TMEM178B: variants seen among roughly 807,000 people sequenced by gnomAD.
TMEM178B encodes the protein transmembrane protein 178B.
A neutral mutation model predicts 31.0 loss-of-function variants in TMEM178B; 5 were observed. The observed-to-expected ratio is 0.16, with a 90% CI of 0.08 to 0.34. The LOEUF is 0.34. Ranked by LOEUF, TMEM178B falls within the 10% of genes least tolerant of loss-of-function variation. TMEM178B has a pLI of 1.00. For synonymous variants in TMEM178B, 164 were observed against 164.0 expected, an observed-to-expected ratio of 1.00 and a Z score of 0.00; for missense variants, 275 against 400.3, an observed-to-expected ratio of 0.69 and a Z score of 2.67.
intron 2 of TMEM178B, among the ~76,000 whole-genome samples, chr7:141,267,891 C>A (rs894502532): frequency 6.6e-6 from 1 of 152,186 alleles, no homozygotes; most frequent in African/African-American, 2.4e-5. Context: ...ATAGCAGGTG[C>A]CTGCACTTAG....
downstream of TMEM178B, among the ~76,000 whole-genome samples, chr7:141,483,956 G>C (rs555739662): frequency 6.6e-6 from 1 of 151,768 alleles, no homozygotes. Context: ...GGCTGGTCTC[G>C]AACTCCCGAT....
chr7:141,251,085 T>C (rs967995722), intron 2 of TMEM178B, among the ~76,000 whole-genome samples: 1 of 152,034 alleles, frequency 6.6e-6, no homozygotes. Flanking sequence ...TTTAAGCATC[T>C]TCTGTGGGCC....
chr7:141,174,193 A>C (rs564232829), intron 1 of TMEM178B, among the ~76,000 whole-genome samples: 2 of 151,986 alleles, frequency 1.3e-5, no homozygotes, highest in South Asian at 4.2e-4. Context: ...ACTCCCACTT[A>C]CGAGTGAGAA....
chr7:141,443,355 C>G (rs1801695979), intron 3 of TMEM178B, among the ~76,000 whole-genome samples: 1 of 152,164 alleles, frequency 6.6e-6, no homozygotes, highest in Admixed American at 6.5e-5. Context: ...TTCTAGGATC[C>G]CGTTCAGGAC....
intron 2 of TMEM178B, among the ~76,000 whole-genome samples, chr7:141,220,762 G>A (rs1489961533): frequency 3.9e-5 from 6 of 152,302 alleles, no homozygotes; most frequent in East Asian, 1.9e-4. Context: ...CTGGCTGAGC[G>A]CACTGATACG....
chr7:141,436,772 A>C lies in TMEM178B; in HGVS notation c.497-836A>C, dbSNP rs145315231. 7.7e-3 allele frequency among the ~76,000 whole-genome samples: 1,175 copies of C among 152,238 alleles called. 12 individuals are homozygous for C. The highest frequency in any genetic ancestry group is 0.023 in the African/African-American group (973 of 41,524). ...CTGAGTGGCCAACTGAGCCATGGCA[A>C]CAGCTCTGCCCTCTCCCTTCTGCTA... On this transcript the variant is annotated intron_variant, in intron 2 of 3. Transcript: ENST00000565468.
chr7:141,082,017 T>C (rs1365591061), intron 1 of TMEM178B, among the ~76,000 whole-genome samples: 1 of 152,252 alleles, frequency 6.6e-6, no homozygotes, highest in Admixed American at 6.5e-5. Context: ...TATAATTGCC[T>C]ACAGTATTCA....
chr7:141,108,596 C>T (rs763904450), intron 1 of TMEM178B, among the ~76,000 whole-genome samples: 12 of 151,990 alleles, frequency 7.9e-5, no homozygotes, highest in South Asian at 4.2e-4. Flanking sequence ...GATGGAGGGG[C>T]GAAGAGGAAG....
At chr7:141,463,623 A>G (rs1320461174) in intron 3 of TMEM178B, among the ~76,000 whole-genome samples, 1 of 152,366 alleles carries the variant, frequency 6.6e-6, no homozygotes, top group South Asian at 2.1e-4. Context: ...GGGAGATGCT[A>G]CTTCCGAAGA....
chr7:141,177,375 A>G (rs954841341), intron 1 of TMEM178B, among the ~76,000 whole-genome samples: 4 of 152,160 alleles, frequency 2.6e-5, no homozygotes, highest in Non-Finnish European at 5.9e-5. Flanking sequence ...TACGTGGTCA[A>G]TTTTAGAATA....
At chr7:141,335,392 A>T (rs73169531) in intron 2 of TMEM178B, among the ~76,000 whole-genome samples, 1 of 152,140 alleles carries the variant, frequency 6.6e-6, no homozygotes, top group Non-Finnish European at 1.5e-5. Context: ...CTGCTCCCAG[A>T]GGGCGCTCTG....
intron 1 of TMEM178B, among the ~76,000 whole-genome samples, chr7:141,087,511 C>T (rs934981199): frequency 6.6e-6 from 1 of 152,074 alleles, no homozygotes; most frequent in Non-Finnish European, 1.5e-5. Context: ...ATAGATAGAG[C>T]ACTGAGACAG....
intron 2 of TMEM178B, among the ~76,000 whole-genome samples, chr7:141,243,603 C>T (rs1311527881): frequency 1.3e-5 from 2 of 151,978 alleles, no homozygotes; most frequent in Non-Finnish European, 2.9e-5. Flanking sequence ...AGGTCACTCT[C>T]CTCGCTGGGC....
At chr7:141,149,503 G>A (rs986943262) in intron 1 of TMEM178B, among the ~76,000 whole-genome samples, 2 of 152,154 alleles carry the variant, frequency 1.3e-5, no homozygotes, top group African/African-American at 2.4e-5. Context: ...AGCCGAGATC[G>A]TGCCACTGCA....
intron 1 of TMEM178B, among the ~76,000 whole-genome samples, chr7:141,182,829 T>A (rs1033280209): frequency 3.9e-5 from 6 of 152,218 alleles, no homozygotes; most frequent in African/African-American, 1.4e-4. Flanking sequence ...ACGTAAGATG[T>A]GCCTTTGCTT....
intron 3 of TMEM178B, 43 bp downstream of exon 3, chr7:141,437,788 C>T: frequency 6.5e-7 from 1 of 1,534,894 alleles, no homozygotes; most frequent in South Asian, 1.2e-5. Context: ...TGGACAGGGT[C>T]CTGTTTACCA....
chr7:141,464,861 C>G lies in TMEM178B; in HGVS notation c.635-5675C>G, dbSNP rs547467753. 5.3e-5 allele frequency among the ~76,000 whole-genome samples: 8 copies of G among 152,282 alleles called. No individual in the cohort carries two copies. The South Asian group carries it at 1.7e-3, about 32-fold the overall frequency. ...GCCCTGGCCAGGGTTATGCCTGGCA[C>G]TGCTTACAGCCAGTGTGTGGAGCAC... On this transcript the variant is annotated intron_variant, in intron 3 of 3. Transcript: ENST00000565468.
chr7:141,156,581 A>T (rs1010041587), intron 1 of TMEM178B, among the ~76,000 whole-genome samples: 1 of 152,248 alleles, frequency 6.6e-6, no homozygotes, highest in East Asian at 1.9e-4. Context: ...CAGTGACTTC[A>T]GCAGAAGAAG....
chr7:141,250,061 T>C (rs1208580075), intron 2 of TMEM178B, among the ~76,000 whole-genome samples: 1 of 152,206 alleles, frequency 6.6e-6, no homozygotes, highest in African/African-American at 2.4e-5. Context: ...TAACTATTGG[T>C]AATAATAAAA....
Sources: allele counts gnomAD v4.1 joint callset (sites outside exome capture counted in the v4.1 genomes callset), GRCh38; gene constraint gnomAD v4.1.1; transcripts MANE v1.5; gene names NCBI Gene and HGNC (gene_info 2026-07-23, HGNC 2026-07-21).